ASIC2: variants seen among roughly 807,000 people sequenced by gnomAD.
ASIC2 encodes the protein acid sensing ion channel subunit 2.
In ASIC2, 25 loss-of-function variants were observed where a neutral mutation model predicts 57.3. The ratio of observed to expected loss-of-function variants is 0.44; its 90% CI spans 0.32 to 0.61. The LOEUF is 0.61. ASIC2 is among the 20% of genes least tolerant of loss of function. ASIC2 has a pLI of 0.06. For missense variants in ASIC2, 641 were observed against 738.1 expected (o/e 0.87, Z 1.52); for synonymous variants, 319 against 307.5 (o/e 1.04, Z -0.39).
chr17:33,715,993 T>C (rs2050305964), intron 1 of ASIC2, among the ~76,000 whole-genome samples: 1 of 152,152 alleles, frequency 6.6e-6, no homozygotes, highest in South Asian at 2.1e-4. Flanking sequence ...AGAATCATGA[T>C]TAACATCTCC....
chr17:33,634,827 A>G (rs1906302677), intron 1 of ASIC2: 1 of 151,304 alleles, frequency 6.6e-6, no homozygotes, highest in South Asian at 2.1e-4. Flanking sequence ...TGCTGGGATT[A>G]CAGGCGTGAG....
At chr17:33,836,475 C>T (rs981790720) in intron 1 of ASIC2, among the ~76,000 whole-genome samples, 1 of 152,104 alleles carries the variant, frequency 6.6e-6, no homozygotes, top group African/African-American at 2.4e-5. Flanking sequence ...AGCCTCTGGG[C>T]CCAGCCTACT....
chr17:33,281,983 G>A lies in ASIC2; in HGVS notation c.708+9425C>T, dbSNP rs571144432. ...GTCCAAATTCCCAATCTTGCATTAT[G>A]TAAGTGTGGTTAAAATACTCCCAAG... On this transcript the variant is annotated intron_variant, in intron 1 of 9. Coordinates refer to ENST00000225823, the MANE Select transcript of ASIC2 (RefSeq NM_183377.2). Among the ~76,000 whole-genome samples, 9 of 152,286 alleles carry A rather than the reference G, an allele frequency of 5.9e-5. No homozygotes were observed. The East Asian group carries it at 1.2e-3, about 20-fold the overall frequency.
chr17:33,407,405 T>G (rs944984779), intron 1 of ASIC2, among the ~76,000 whole-genome samples: 6 of 152,202 alleles, frequency 3.9e-5, no homozygotes, highest in Non-Finnish European at 7.3e-5. Context: ...TTATTAACTG[T>G]GTAGTATCTT....
intron 1 of ASIC2, among the ~76,000 whole-genome samples, chr17:33,121,490 C>T (rs1193018551): frequency 6.6e-6 from 1 of 152,092 alleles, no homozygotes; most frequent in Non-Finnish European, 1.5e-5. Context: ...ACAGTGGTGG[C>T]GACAGCAGTG....
At chr17:33,579,394 T>C (rs1916797977) in intron 1 of ASIC2, among the ~76,000 whole-genome samples, 1 of 151,750 alleles carries the variant, frequency 6.6e-6, no homozygotes, top group Non-Finnish European at 1.5e-5. Context: ...TCCGCCTCAT[T>C]ATTCTGGAGG....
intron 1 of ASIC2, among the ~76,000 whole-genome samples, chr17:33,870,463 C>T (rs431926): frequency 0.31 from 47,426 of 151,520 alleles, 8,442 homozygotes; most frequent in African/African-American, 0.49. Flanking sequence ...CCTCTCTCAG[C>T]TGACAGGCAT....
At chr17:33,487,314 A>T (rs1464315379) in intron 1 of ASIC2, among the ~76,000 whole-genome samples, 1 of 152,218 alleles carries the variant, frequency 6.6e-6, no homozygotes, top group African/African-American at 2.4e-5. Context: ...TGACTAGGAA[A>T]GCCAGAGCCA....
intron 1 of ASIC2, among the ~76,000 whole-genome samples, chr17:33,113,340 A>C (rs745472564): frequency 6.6e-6 from 1 of 152,222 alleles, no homozygotes; most frequent in Non-Finnish European, 1.5e-5. Context: ...AGTGCTTTAA[A>C]ACTGCAAAAG....
chr17:33,033,720 C>T (rs987245019), intron 3 of ASIC2, among the ~76,000 whole-genome samples: 11 of 152,224 alleles, frequency 7.2e-5, no homozygotes, highest in African/African-American at 2.7e-4. Flanking sequence ...AAGGCCCCAC[C>T]TTCAGACCAG....
intron 1 of ASIC2, among the ~76,000 whole-genome samples, chr17:34,134,227 C>A (rs62054890): frequency 6.6e-6 from 1 of 152,134 alleles, no homozygotes; most frequent in Admixed American, 6.5e-5. Context: ...TGGGGGTGAA[C>A]AATGATTTAA....
chr17:33,997,078 T>C (rs1477410350), intron 1 of ASIC2, among the ~76,000 whole-genome samples: 1 of 152,176 alleles, frequency 6.6e-6, no homozygotes, highest in Admixed American at 6.5e-5. Flanking sequence ...CCTTGTTAAA[T>C]TTAGTCCTAA....
chr17:33,595,677 C>T lies in ASIC2; in HGVS notation c.556-483610G>A, dbSNP rs146395211. On this transcript the variant is annotated intron_variant, in intron 1 of 9. Coordinates refer to the ASIC2 transcript ENST00000359872. ...AAGAGATATTGGGTAAGTTACTCAG[C>T]ATCCCTGAGCTTCTGTTTCTTCATC... is the stretch of plus-strand genomic sequence containing the variant. Among the ~76,000 whole-genome samples the T allele has an allele frequency of 6.7e-3, 1,015 of 152,358 alleles. 8 individuals are homozygous for T. Among genetic ancestry groups the T allele is most frequent in the Non-Finnish European group, 9.9e-3 (672 of 68,032 alleles).
intron 1 of ASIC2, among the ~76,000 whole-genome samples, chr17:33,214,097 T>C (rs145642066): frequency 1.7e-3 from 255 of 152,308 alleles, no homozygotes; most frequent in African/African-American, 6.0e-3. Context: ...CAGGGTAGCA[T>C]GGCATGCACA....
intron 1 of ASIC2, among the ~76,000 whole-genome samples, chr17:33,195,305 AG>A (rs1307986868): frequency 6.6e-6 from 1 of 152,142 alleles, no homozygotes; most frequent in Non-Finnish European, 1.5e-5. Flanking sequence ...ATACAGACTC[AG>A]GGGAAAGCAC....
intron 1 of ASIC2, among the ~76,000 whole-genome samples, chr17:33,433,907 G>C (rs931293407): frequency 1.4e-5 from 2 of 145,276 alleles, no homozygotes; most frequent in Non-Finnish European, 3.0e-5. Flanking sequence ...GAGTCAAAAA[G>C]TATATGCAGA....
intron 1 of ASIC2, among the ~76,000 whole-genome samples, chr17:33,975,581 G>A (rs3924278): frequency 0.12 from 18,345 of 152,112 alleles, 1,498 homozygotes; most frequent in East Asian, 0.35. Context: ...AATAACTCAT[G>A]CTCCCATGGA....
At chr17:33,788,321 C>T (rs1312914369) in intron 1 of ASIC2, among the ~76,000 whole-genome samples, 1 of 152,152 alleles carries the variant, frequency 6.6e-6, no homozygotes, top group African/African-American at 2.4e-5. Flanking sequence ...CATCACTCAT[C>T]ATCAGAGAAA....
At chr17:33,201,465 G>T (rs954550473) in intron 1 of ASIC2, among the ~76,000 whole-genome samples, 1 of 152,182 alleles carries the variant, frequency 6.6e-6, no homozygotes, top group Non-Finnish European at 1.5e-5. Context: ...TCCATGAGAC[G>T]TGCCCACCAA....
Sources: gnomAD v4.1 joint callset for allele counts (sites outside exome capture counted in the v4.1 genomes callset) on GRCh38, gnomAD v4.1.1 for gene constraint, MANE v1.5 for transcripts, NCBI Gene and HGNC (gene_info 2026-07-23, HGNC 2026-07-21) for gene names.